The following MGRN1 variants were observed in gnomAD, a reference collection of about 807,000 sequenced individuals.
MGRN1 encodes the protein E3 ubiquitin-protein ligase MGRN1.
MGRN1 carries 29 observed loss-of-function variants against 69.2 expected under a neutral mutation model. The observed-to-expected ratio is 0.42, with a 90% CI of 0.31 to 0.57. The LOEUF (loss-of-function observed/expected upper bound fraction) is 0.57. Ranked by LOEUF, MGRN1 falls within the 20% of genes least tolerant of loss-of-function variation. The pLI, the probability that MGRN1 is intolerant of heterozygous loss-of-function variation, is 0.15. For synonymous variants in MGRN1, 470 were observed against 344.2 expected, an observed-to-expected ratio of 1.37 and a Z score of -4.04; for missense variants, 998 against 796.2, an observed-to-expected ratio of 1.25 and a Z score of -3.05.
At chr16:4,668,503 A>G (rs371693864) in intron 8 of MGRN1, among the ~76,000 whole-genome samples, 191 bp downstream of exon 8, 12 of 152,030 alleles carry the variant, frequency 7.9e-5, no homozygotes, top group African/African-American at 2.9e-4. Flanking sequence ...ACTCACATTC[A>G]CACATATATA....
In MGRN1 at chr16:4,644,155, T is replaced by G. The variant is rs537326499; in HGVS notation, c.89-6210T>G. On this transcript the variant is annotated intron_variant, in intron 1 of 16. Transcript: ENST00000262370. ...ACCACTCCCGGCTAATTTTTTTTTG[T>G]TTTGTTTTGTATTTTTAGTAGAGAT... 3.6e-4 allele frequency among the ~76,000 whole-genome samples: 54 copies of G among 150,680 alleles called. 1 individual carries two copies. The highest frequency in any genetic ancestry group is 1.1e-3 in the African/African-American group (46 of 40,488).
chr16:4,661,415 G>A (rs1485640054), intron 5 of MGRN1, among the ~76,000 whole-genome samples: 1 of 152,252 alleles, frequency 6.6e-6, no homozygotes, highest in African/African-American at 2.4e-5. Flanking sequence ...GTCGGCTCCT[G>A]TTGCCTGGAC....
intron 1 of MGRN1, 72 bp downstream of exon 1, chr16:4,625,120 G>C (rs1003008848): frequency 7.3e-7 from 1 of 1,375,610 alleles, no homozygotes; most frequent in South Asian, 1.4e-5. Context: ...GCGGGGGCGG[G>C]GACTCGGGGC....
At chr16:4,660,222 T>C (rs750382266) in intron 5 of MGRN1, among the ~76,000 whole-genome samples, 1 of 152,052 alleles carries the variant, frequency 6.6e-6, no homozygotes, top group Non-Finnish European at 1.5e-5. Flanking sequence ...CTCTCTAGAG[T>C]GTTAGGCCAG....
At chr16:4,666,329 G>A (rs774244170) in intron 7 of MGRN1, among the ~76,000 whole-genome samples, 3 of 152,014 alleles carry the variant, frequency 2.0e-5, no homozygotes, top group Non-Finnish European at 4.4e-5. Flanking sequence ...AAGAGGTCTC[G>A]CTATGTTGCC....
At chr16:4,672,588 G>A (rs2078963673) in intron 9 of MGRN1, 2 of 395,586 alleles carry the variant, frequency 5.1e-6, no homozygotes, top group African/African-American at 4.1e-5. Flanking sequence ...AATGTTTTCA[G>A]CCGCCCGGGC....
At chr16:4,683,764 G>T in intron 15 of MGRN1, 79 bp from the exon 16 acceptor site, 1 of 1,297,520 alleles carries the variant, frequency 7.7e-7, no homozygotes, top group South Asian at 1.3e-5. Context: ...TTGGGTAAGA[G>T]AGACGGCCTC....
chr16:4,678,489 G>A (rs768763346), intron 11 of MGRN1, among the ~76,000 whole-genome samples: 8 of 151,966 alleles, frequency 5.3e-5, no homozygotes, highest in Non-Finnish European at 1.0e-4. Flanking sequence ...AGAGACATAG[G>A]GAGAGACTGA....
In MGRN1 at chr16:4,689,821, A is replaced by G; in HGVS notation, c.*913A>G. The G allele has an allele frequency of 6.7e-6, 1 of 148,646 alleles. No homozygotes were observed. Among genetic ancestry groups the G allele is most frequent in the East Asian group, 2.0e-4 (1 of 5,058 alleles). The allele number at this position is 148,646 out of a possible 1,614,324, so 9.2% of individuals were successfully genotyped here. A position where few individuals can be genotyped will look rare whatever the true frequency, so the allele number is the denominator to read the frequency against. ...ACTCTTGCTGCCCAGGCTGGAGTGC[A>G]GTGGCTCAATCTCGGGTCACTGCAA... is the stretch of plus-strand genomic sequence containing the variant. On this transcript the variant is annotated 3_prime_UTR_variant, in exon 17 of 17. Transcript: ENST00000262370.
chr16:4,640,362 A>C (rs537359247), intron 1 of MGRN1: 41 of 152,396 alleles, frequency 2.7e-4, no homozygotes, highest in African/African-American at 9.4e-4. Context: ...TGTGGAGAGC[A>C]TTGAGGCTGT....
At chr16:4,657,394 C>G (rs762693210) in intron 5 of MGRN1, 31 bp downstream of exon 5, 1 of 1,590,366 alleles carries the variant, frequency 6.3e-7, no homozygotes, top group Non-Finnish European at 8.6e-7. Context: ...CCTTGCCCTT[C>G]GCTCCTCCTG....
Position 4,652,533 on chromosome 16 carries a change from A to T in MGRN1, c.297-145A>T, listed in dbSNP as rs374281889. Reference sequence around the variant, plus strand: ...CTGGACCACTGGGCTTTCATGTACAAATAGGAAACAGCCCCTATGTCTACT... The same window carrying T: ...CTGGACCACTGGGCTTTCATGTACATATAGGAAACAGCCCCTATGTCTACT... On this transcript the variant is annotated intron_variant, in intron 3 of 16. Coordinates refer to ENST00000262370, the MANE Select transcript of MGRN1 (RefSeq NM_015246.4). 4.1e-5 allele frequency: 44 copies of T among 1,081,124 alleles called. No homozygotes were observed. In the East Asian group the frequency reaches 1.2e-3, roughly 28 times the overall value. 67.0% of individuals were successfully genotyped at this position (1,081,124 alleles called of 1,614,324 possible).
intron 4 of MGRN1, among the ~76,000 whole-genome samples, chr16:4,654,648 T>G (rs1292485572): frequency 1.3e-5 from 2 of 152,242 alleles, no homozygotes; most frequent in Non-Finnish European, 2.9e-5. Context: ...GGCACATGAC[T>G]GCTTGTGCCT....
At chr16:4,687,527 C>T (rs2079356097) in intron 16 of MGRN1, 1 of 976,658 alleles carries the variant, frequency 1.0e-6, no homozygotes, top group Non-Finnish European at 1.2e-6. Flanking sequence ...AAAATACACA[C>T]ACACCCACCC....
chr16:4,648,296 C>T lies in MGRN1; in HGVS notation c.89-2069C>T, dbSNP rs555227984. Among the ~76,000 whole-genome samples, 379 of 146,570 alleles carry T rather than the reference C, an allele frequency of 2.6e-3. 1 individual carries two copies. The highest frequency in any genetic ancestry group is 9.4e-3 in the African/African-American group (360 of 38,268). ...GGACTCTTCCCGTGGTCACCCGGCT[C>T]CTCCTCCCGCGGGCTCTTCCCGTGG... is the stretch of plus-strand genomic sequence containing the variant. On this transcript the variant is annotated intron_variant, in intron 1 of 16. Coordinates refer to ENST00000262370, the MANE Select transcript of MGRN1 (RefSeq NM_015246.4).
chr16:4,686,059 G>C (rs1051119171), intron 16 of MGRN1, among the ~76,000 whole-genome samples: 3 of 152,210 alleles, frequency 2.0e-5, no homozygotes, highest in African/African-American at 4.8e-5. Context: ...GGCAGGGCCA[G>C]TGCGCTCCTC....
At chr16:4,662,676 C>A (rs545893047) in intron 5 of MGRN1, among the ~76,000 whole-genome samples, 1 of 152,124 alleles carries the variant, frequency 6.6e-6, no homozygotes, top group Admixed American at 6.5e-5. Context: ...GGAAAGAAGC[C>A]GAGGCTCGGA....
chr16:4,638,837 C>G (rs765504201), intron 1 of MGRN1, among the ~76,000 whole-genome samples: 1 of 152,326 alleles, frequency 6.6e-6, no homozygotes, highest in East Asian at 1.9e-4. Flanking sequence ...CCCACTCCCC[C>G]TTCCTCGGGT....
chr16:4,635,998 C>T (rs1898270096), intron 1 of MGRN1, among the ~76,000 whole-genome samples: 1 of 150,392 alleles, frequency 6.6e-6, no homozygotes, highest in East Asian at 1.9e-4. Flanking sequence ...GACAGGGTTT[C>T]ACCATGTTGG....
Sources: gnomAD v4.1 joint callset for allele counts (sites outside exome capture counted in the v4.1 genomes callset) on GRCh38, gnomAD v4.1.1 for gene constraint, MANE v1.5 for transcripts, NCBI Gene and HGNC (gene_info 2026-07-23, HGNC 2026-07-21) for gene names.